TRPM3: variants seen among roughly 807,000 people sequenced by gnomAD.
TRPM3 encodes long transient receptor potential channel 3.
In TRPM3, 77 loss-of-function variants were observed where a neutral mutation model predicts 181.2. The ratio of observed to expected loss-of-function variants is 0.42; its 90% confidence interval spans 0.35 to 0.51. TRPM3 has a LOEUF of 0.51. Ranked by LOEUF, TRPM3 falls within the 20% of genes least tolerant of loss-of-function variation. The pLI, the probability that TRPM3 is intolerant of heterozygous loss-of-function variation, is 0.01. For missense variants in TRPM3, 1,759 were observed against 2,196.7 expected, an observed-to-expected ratio of 0.80 and a Z score of 3.98; for synonymous variants, 745 against 796.4, an observed-to-expected ratio of 0.94 and a Z score of 1.09.
At chr9:70,589,309 C>T (rs2057708453) in intron 22 of TRPM3, among the ~76,000 whole-genome samples, 1 of 152,162 alleles carries the variant, frequency 6.6e-6, no homozygotes, top group Non-Finnish European at 1.5e-5. Context: ...AGTACAACAT[C>T]AATAAATGGC....
chr9:70,569,133 T>G (rs1157295515), intron 22 of TRPM3, among the ~76,000 whole-genome samples: 5 of 152,204 alleles, frequency 3.3e-5, no homozygotes, highest in Non-Finnish European at 5.9e-5. Flanking sequence ...TCATTTATAT[T>G]GTGTTGGATG....
intron 6 of TRPM3, among the ~76,000 whole-genome samples, chr9:70,817,715 T>C (rs2092826075): frequency 6.6e-6 from 1 of 152,170 alleles, no homozygotes; most frequent in Non-Finnish European, 1.5e-5. Flanking sequence ...AACTCATACC[T>C]AACTTTTGTC....
At chr9:70,549,873 G>T (rs1308408814) in intron 24 of TRPM3, among the ~76,000 whole-genome samples, 199 bp from the exon 25 acceptor site, 1 of 152,050 alleles carries the variant, frequency 6.6e-6, no homozygotes, top group African/African-American at 2.4e-5. Context: ...ATTTATTATG[G>T]GTCTCTGAAG....
At chr9:71,055,444 G>A (rs929462056) in intron 1 of TRPM3, among the ~76,000 whole-genome samples, 2 of 151,984 alleles carry the variant, frequency 1.3e-5, no homozygotes, top group African/African-American at 4.8e-5. Flanking sequence ...ATGAGTAATA[G>A]AATCAAGAGG....
At chr9:71,225,836 TAGTAGA>T (rs1450642584) in intron 1 of TRPM3, among the ~76,000 whole-genome samples, 1 of 151,636 alleles carries the variant, frequency 6.6e-6, no homozygotes, top group African/African-American at 2.4e-5. Context: ...TTTGTATTTT[TAGTAGA>T]GATGGGGTTT....
intron 1 of TRPM3, among the ~76,000 whole-genome samples, chr9:71,405,360 G>A (rs1002115496): frequency 1.3e-5 from 2 of 151,960 alleles, no homozygotes; most frequent in Admixed American, 6.6e-5. Context: ...ATAATCATTA[G>A]ACATTGGGTT....
chr9:71,259,942 T>G (rs1368472106), intron 1 of TRPM3, among the ~76,000 whole-genome samples: 1 of 152,200 alleles, frequency 6.6e-6, no homozygotes, highest in East Asian at 1.9e-4. Flanking sequence ...GTTTTAGTCA[T>G]GAAGTCTTTG....
intron 1 of TRPM3, among the ~76,000 whole-genome samples, chr9:71,434,600 T>A (rs1452618175): frequency 6.6e-6 from 1 of 152,238 alleles, no homozygotes; most frequent in African/African-American, 2.4e-5. Flanking sequence ...TATAGTTTAA[T>A]TGTTCAAGGC....
At chr9:71,098,365 A>G (rs912031111) in intron 1 of TRPM3, among the ~76,000 whole-genome samples, 13 of 152,170 alleles carry the variant, frequency 8.5e-5, no homozygotes, top group Admixed American at 8.5e-4. Context: ...ACCAAACTTG[A>G]AGAGAGGTAA....
chr9:71,193,013 G>A (rs567209681), intron 1 of TRPM3, among the ~76,000 whole-genome samples: 1 of 151,822 alleles, frequency 6.6e-6, no homozygotes, highest in African/African-American at 2.4e-5. Context: ...TGTATATATG[G>A]TGTATGTGTA....
chr9:70,622,663 C>A (rs969101838), intron 14 of TRPM3, among the ~76,000 whole-genome samples: 8 of 152,176 alleles, frequency 5.3e-5, no homozygotes, highest in Non-Finnish European at 8.8e-5. Flanking sequence ...TCTATATTTA[C>A]CAGGAGGTAA....
At chr9:71,125,451 G>T (rs1359742564), upstream of TRPM3, among the ~76,000 whole-genome samples, 1 of 152,164 alleles carries the variant, frequency 6.6e-6, no homozygotes, top group Non-Finnish European at 1.5e-5. Flanking sequence ...AACGGTGTTT[G>T]GTTCTCTGTT....
chr9:71,205,022 A>G lies in TRPM3; in HGVS notation c.183+241631T>C, dbSNP rs539137952. Among the ~76,000 whole-genome samples, 194 of 151,996 alleles carry G rather than the reference A, an allele frequency of 1.3e-3. No individual in the cohort carries two copies. The Middle Eastern group carries it at 0.02, about 16-fold the overall frequency. ...GATGGGAATTGAACAATGAGAACAC[A>G]TGGACACAGGAAGGGGAACATCACA... On this transcript the variant is annotated intron_variant, in intron 1 of 24. Transcript: ENST00000357533.
chr9:70,894,786 A>T (rs994250569), intron 1 of TRPM3, among the ~76,000 whole-genome samples: 2 of 152,230 alleles, frequency 1.3e-5, no homozygotes, highest in Non-Finnish European at 2.9e-5. Context: ...TATCATAACA[A>T]CATCACTTAG....
In TRPM3 at chr9:70,666,657, TAGA is replaced by T. The variant is rs141955369; in HGVS notation, c.1345+14846_1345+14848del. ...TTGCATGTGGCCCACTTTTTCTCTT[TAGA>T]AGCTCTCACTTTCTCTCTTTTCCCC... is the stretch of plus-strand genomic sequence containing the variant. On this transcript the variant is annotated intron_variant, in intron 9 of 25. Coordinates refer to ENST00000677713, the MANE Select transcript of TRPM3 (RefSeq NM_001366145.2). Among the ~76,000 whole-genome samples the T allele has an allele frequency of 9.1e-3, 1,381 of 152,328 alleles. 23 individuals are homozygous for T. The highest frequency in any genetic ancestry group is 0.032 in the African/African-American group (1,313 of 41,576).
At chr9:71,151,021 A>G (rs2075706860) in intron 1 of TRPM3, among the ~76,000 whole-genome samples, 1 of 152,202 alleles carries the variant, frequency 6.6e-6, no homozygotes, top group Admixed American at 6.5e-5. Context: ...CTGTCTGGCA[A>G]AAATTCAGAT....
At position 70,980,067 on chromosome 9, in the gene TRPM3, G is replaced by A. The variant is rs867814452; in HGVS notation, c.178-115556C>T. Among the ~76,000 whole-genome samples, 69 of 137,976 alleles carry A rather than the reference G, an allele frequency of 5.0e-4. 2 individuals are homozygous for A. Among genetic ancestry groups the A allele is most frequent in the African/African-American group, 1.8e-3 (63 of 34,914 alleles). 90.5% of individuals were successfully genotyped at this position (137,976 alleles called of 152,430 possible). ...AGCATGTGTGGCCATGCATGTGCGT[G>A]CACACACACACACACACACACACAC... On this transcript the variant is annotated intron_variant, in intron 1 of 25. Transcript: ENST00000677713.
intron 1 of TRPM3, among the ~76,000 whole-genome samples, chr9:70,924,814 A>G (rs2096704408): frequency 2.6e-5 from 4 of 152,184 alleles, no homozygotes; most frequent in Admixed American, 2.0e-4. Flanking sequence ...TACAAGGTAG[A>G]AAGTTCAGGT....
chr9:71,089,548 T>A (rs1301395689), intron 1 of TRPM3, among the ~76,000 whole-genome samples: 1 of 150,974 alleles, frequency 6.6e-6, no homozygotes, highest in African/African-American at 2.4e-5. Flanking sequence ...GTCAGATGTA[T>A]AAAATAATAT....
Sources: allele counts gnomAD v4.1 joint callset (sites outside exome capture counted in the v4.1 genomes callset), GRCh38; gene constraint gnomAD v4.1.1; transcripts MANE v1.5; gene names NCBI Gene and HGNC (gene_info 2026-07-23, HGNC 2026-07-21).